Variants in CAMLG observed in about 807,000 individuals in gnomAD.
CAMLG encodes guided entry of tail-anchored proteins factor CAMLG.
A neutral mutation model predicts 28.9 loss-of-function variants in CAMLG; 23 were observed. That is an observed-to-expected ratio of 0.80 (90% CI 0.57 to 1.13). The LOEUF is 1.13. Ranked by LOEUF, CAMLG falls within the 50% of genes most tolerant of loss-of-function variation. The probability of loss-of-function intolerance (pLI) is 0.00; values close to 1 mark genes in which losing one functional copy is unlikely to be tolerated. For missense variants in CAMLG, 367 were observed against 371.9 expected, an observed-to-expected ratio of 0.99 and a Z score of 0.11; for synonymous variants, 141 against 146.5, an observed-to-expected ratio of 0.96 and a Z score of 0.27.
intron 3 of CAMLG, among the ~76,000 whole-genome samples, chr5:134,750,117 G>A (rs763206490): frequency 6.6e-6 from 1 of 152,160 alleles, no homozygotes; most frequent in Non-Finnish European, 1.5e-5. Flanking sequence ...CATTATCCAT[G>A]TCAGTCATTT....
intron 1 of CAMLG, among the ~76,000 whole-genome samples, chr5:134,740,452 C>A (rs139640924): frequency 1.4e-3 from 218 of 152,294 alleles, no homozygotes; most frequent in African/African-American, 4.9e-3. Flanking sequence ...AAAAGTTGGT[C>A]TTTTCAGCTT....
chr5:134,741,508 T>C lies in CAMLG; in HGVS notation c.618T>C (p.Phe206=). The C allele has an allele frequency of 6.3e-7, 1 of 1,599,380 alleles. No individual in the cohort carries two copies. The highest frequency in any genetic ancestry group is 8.5e-7 in the Non-Finnish European group (1 of 1,169,726). ...CALLALGVRA[F]VCKYLSIFAP... Reference sequence around the variant, plus strand: ...TTCTTGCTCTTGGAGTCAGAGCTTTTGTTTGCAAATACTTGGTAAGAAAAG... The same window carrying C: ...TTCTTGCTCTTGGAGTCAGAGCTTTCGTTTGCAAATACTTGGTAAGAAAAG... The change falls in exon 2 of 4, where the codon TTT becomes TTC. Residue 206 remains phenylalanine, a synonymous_variant. Coordinates refer to ENST00000297156, the MANE Select transcript of CAMLG (RefSeq NM_001745.4).
rs118075626 is a variant in CAMLG at position 134,739,717 on chromosome 5, G to A, written c.172+925G>A. Among the ~76,000 whole-genome samples, 1,516 of 152,184 alleles carry A rather than the reference G, an allele frequency of 1.0e-2. 9 individuals carry two copies. Among genetic ancestry groups the A allele is most frequent in the Middle Eastern group, 0.041 (12 of 294 alleles). ...TAGGTGTATAGCTCTGAACTTTTAG[G>A]CAGTTCAAATGAGAGGTAAGAAAAC... On this transcript the variant is annotated intron_variant, in intron 1 of 3. Coordinates refer to ENST00000297156, the MANE Select transcript of CAMLG (RefSeq NM_001745.4).
In CAMLG at chr5:134,738,753, A is replaced by T; in HGVS notation, c.133A>T (p.Asn45Tyr). 1 of 1,614,112 alleles carries T rather than the reference A, an allele frequency of 6.2e-7. No individual in the cohort carries two copies. Among genetic ancestry groups the T allele is most frequent in the Non-Finnish European group, 8.5e-7 (1 of 1,179,996 alleles). The change falls in exon 1 of 4, where the codon AAC (asparagine) becomes TAC (tyrosine). Residue 45 changes from asparagine (N) to tyrosine (Y), a missense_variant. By Grantham distance (143) the Asn-to-Tyr change is moderately radical. Transcript: ENST00000297156. ...GCTCATGAACTCGGAACAGCGCATC[A>T]ACCGGATCATGGGCTTTCACAGGCC... ...KLLMNSEQRI[N>Y]RIMGFHRPGS...
chr5:134,740,600 T>C (rs1430886668), intron 1 of CAMLG, among the ~76,000 whole-genome samples: 1 of 151,892 alleles, frequency 6.6e-6, no homozygotes, highest in African/African-American at 2.4e-5. Flanking sequence ...AGCTTTTTTC[T>C]TTTTTTTGTT....
rs965749107 is a variant in CAMLG, at chr5:134,752,079, T to C, written c.*1129T>C. The C allele has an allele frequency of 6.6e-6, 1 of 152,244 alleles. No homozygotes were observed. The highest frequency in any genetic ancestry group is 1.5e-5 in the Non-Finnish European group (1 of 68,050). 9.4% of individuals were successfully genotyped at this position (152,244 alleles called of 1,614,324 possible). On this transcript the variant is annotated 3_prime_UTR_variant, in exon 4 of 4. Coordinates refer to ENST00000297156, the MANE Select transcript of CAMLG (RefSeq NM_001745.4). ...CTAAAGTGTTAATGTCACTTGGTGTTACATTTCCTTACAGATTTTTGTATA... is the reference window on the plus strand; with the variant it reads ...CTAAAGTGTTAATGTCACTTGGTGTCACATTTCCTTACAGATTTTTGTATA...
intron 2 of CAMLG, among the ~76,000 whole-genome samples, chr5:134,741,972 G>T (rs1009294959): frequency 6.6e-6 from 1 of 151,982 alleles, no homozygotes; most frequent in Non-Finnish European, 1.5e-5. Flanking sequence ...GTATATATTT[G>T]GGGGAAAAAT....
intron 3 of CAMLG, among the ~76,000 whole-genome samples, chr5:134,748,708 C>CT (rs1386429924): frequency 6.6e-6 from 1 of 152,164 alleles, no homozygotes; most frequent in Non-Finnish European, 1.5e-5. Flanking sequence ...TTTCATGCTC[C>CT]TTTCCAGGCA....
At chr5:134,750,690 C>G in intron 3 of CAMLG, 69 bp from the exon 4 acceptor site, 1 of 1,067,176 alleles carries the variant, frequency 9.4e-7, no homozygotes, top group Non-Finnish European at 1.4e-6. Flanking sequence ...CAGTACTGAT[C>G]ATGTTTGTAT....
intron 3 of CAMLG, 42 bp from the exon 4 acceptor site, chr5:134,750,717 T>C: frequency 7.1e-7 from 1 of 1,416,940 alleles, no homozygotes; most frequent in Non-Finnish European, 9.9e-7. Context: ...TAATGTAGCC[T>C]GCTGAAACTT....
At chr5:134,739,600 T>TA (rs1308630141) in intron 1 of CAMLG, among the ~76,000 whole-genome samples, 6 of 152,248 alleles carry the variant, frequency 3.9e-5, no homozygotes, top group African/African-American at 1.2e-4. Context: ...GCCCTAGTGT[T>TA]ATCTAAGTTT....
intron 2 of CAMLG, among the ~76,000 whole-genome samples, chr5:134,742,014 A>G (rs1418352948): frequency 6.6e-6 from 1 of 152,218 alleles, no homozygotes; most frequent in African/African-American, 2.4e-5. Flanking sequence ...AGTAAATAAT[A>G]CAAATAAAAA....
Position 134,738,742 on chromosome 5 carries a change from A to T in CAMLG, c.122A>T (p.Glu41Val), listed in dbSNP as rs781406751. ...LRRRKLLMNSEQRINRIMGFH... is the reference protein window; with the variant it reads ...LRRRKLLMNSVQRINRIMGFH... ...CGGAGAAAGCTGCTCATGAACTCGG[A>T]ACAGCGCATCAACCGGATCATGGGC... Residue 41 changes from glutamate to valine, a missense_variant, in exon 1 of 4, where the codon GAA becomes GTA. Transcript: ENST00000297156. 6.2e-7 allele frequency: 1 copy of T among 1,614,046 alleles called. No homozygotes were observed. Among genetic ancestry groups the T allele is most frequent in the Non-Finnish European group, 8.5e-7 (1 of 1,179,990 alleles).
intron 2 of CAMLG, 53 bp downstream of exon 2, chr5:134,741,576 T>A: frequency 1.7e-6 from 2 of 1,145,562 alleles, no homozygotes; most frequent in Non-Finnish European, 1.3e-6. Flanking sequence ...TGCAAAATGT[T>A]AATAATTATG....
chr5:134,748,183 C>T (rs925080180), intron 3 of CAMLG, among the ~76,000 whole-genome samples: 3 of 151,998 alleles, frequency 2.0e-5, no homozygotes, highest in Non-Finnish European at 2.9e-5. Context: ...CGCCCACCTC[C>T]GCTTCCCAAA....
rs895385442 is a variant in CAMLG, at chr5:134,738,557, T to C, written c.-64T>C. The C allele has an allele frequency of 1.4e-6, 2 of 1,384,062 alleles. No homozygotes were observed. Among genetic ancestry groups the C allele is most frequent in the Admixed American group, 2.6e-5 (1 of 38,208 alleles). 85.7% of individuals were successfully genotyped at this position (1,384,062 alleles called of 1,614,324 possible). Reference sequence around the variant, plus strand: ...CGCCCTGCGGCCCGGCCTCTAGTCATCGCCCTCGCAGCGGCGGCCAACATC... The same window carrying C: ...CGCCCTGCGGCCCGGCCTCTAGTCACCGCCCTCGCAGCGGCGGCCAACATC... On this transcript the variant is annotated 5_prime_UTR_variant, in exon 1 of 4. Coordinates refer to ENST00000297156, the MANE Select transcript of CAMLG (RefSeq NM_001745.4).
Position 134,750,962 on chromosome 5 carries a change from C to G in CAMLG, c.*12C>G. 1 of 1,577,044 alleles carries G rather than the reference C, an allele frequency of 6.3e-7. No homozygotes were observed. The highest frequency in any genetic ancestry group is 8.6e-7 in the Non-Finnish European group (1 of 1,161,010). On this transcript the variant is annotated 3_prime_UTR_variant, in exon 4 of 4. Transcript: ENST00000297156. ...CTGAAGTACCATGAAGCCTGTAGAA[C>G]TGAGAAGGAGAAGCTTACAAAAAAA...
chr5:134,751,034 G>T lies in CAMLG; in HGVS notation c.*84G>T. 1 of 932,408 alleles carries T rather than the reference G, an allele frequency of 1.1e-6. No individual in the cohort carries two copies. The highest frequency in any genetic ancestry group is 1.6e-6 in the Non-Finnish European group (1 of 616,030). 57.8% of individuals were successfully genotyped at this position (932,408 alleles called of 1,614,324 possible). A position where few individuals can be genotyped will look rare whatever the true frequency, so the allele number is the denominator to read the frequency against. On this transcript the variant is annotated 3_prime_UTR_variant, in exon 4 of 4. Coordinates refer to ENST00000297156, the MANE Select transcript of CAMLG (RefSeq NM_001745.4). Reference sequence around the variant, plus strand: ...CAGTGTCTCTAAAGGAGGCAAATTGGTTTACACCTTCATGTAATTCTTTTA... The same window carrying T: ...CAGTGTCTCTAAAGGAGGCAAATTGTTTTACACCTTCATGTAATTCTTTTA...
intron 3 of CAMLG, among the ~76,000 whole-genome samples, chr5:134,749,701 C>G (rs945154598): frequency 1.8e-4 from 28 of 152,154 alleles, no homozygotes; most frequent in Non-Finnish European, 4.0e-4. Flanking sequence ...AAATCCTGCT[C>G]TTCTTTGAAG....
Sources: gnomAD v4.1 joint callset for allele counts (sites outside exome capture counted in the v4.1 genomes callset) on GRCh38, gnomAD v4.1.1 for gene constraint, MANE v1.5 for transcripts, NCBI Gene and HGNC (gene_info 2026-07-23, HGNC 2026-07-21) for gene names.